The following PCCA variants were observed in gnomAD, a reference collection of about 807,000 sequenced individuals.
PCCA encodes the protein propionyl-CoA carboxylase subunit alpha.
PCCA carries 74 observed loss-of-function variants against 101.3 expected under a neutral mutation model. The observed-to-expected ratio is 0.73, with a 90% CI of 0.61 to 0.89. The LOEUF (loss-of-function observed/expected upper bound fraction) is 0.89. PCCA is among the 40% of genes least tolerant of loss of function. The pLI is 0.00. For missense variants in PCCA, 891 were observed against 907.0 expected (o/e 0.98, Z 0.23); for synonymous variants, 294 against 313.6 (o/e 0.94, Z 0.66).
intron 4 of PCCA, among the ~76,000 whole-genome samples, chr13:100,145,861 C>CAA (rs767182982): frequency 6.2e-5 from 4 of 64,340 alleles, no homozygotes; most frequent in Admixed American, 1.8e-4. Flanking sequence ...GACTCCGTCT[C>CAA]AAAAAAAAAA....
At chr13:100,123,321 C>T (rs974194801) in intron 4 of PCCA, among the ~76,000 whole-genome samples, 3 of 152,186 alleles carry the variant, frequency 2.0e-5, no homozygotes, top group East Asian at 3.9e-4. Context: ...TCCCAAAGTG[C>T]TGGGATTACA....
At chr13:100,462,509 G>A (rs1023192605) in intron 21 of PCCA, among the ~76,000 whole-genome samples, 36 of 152,190 alleles carry the variant, frequency 2.4e-4, no homozygotes, top group African/African-American at 8.7e-4. Flanking sequence ...TAATGCATAG[G>A]CTTATATAGT....
At chr13:100,151,220 A>G in intron 4 of PCCA, 1 of 606,816 alleles carries the variant, frequency 1.6e-6, no homozygotes, top group Admixed American at 3.1e-5. Flanking sequence ...TGTTCTAGTT[A>G]TTTGGAAATT....
chr13:100,124,179 C>A (rs1443181231), intron 4 of PCCA, among the ~76,000 whole-genome samples: 4 of 152,040 alleles, frequency 2.6e-5, no homozygotes. Flanking sequence ...GAGATCTCAT[C>A]AGGTTAAATG....
chr13:100,172,360 A>C lies in PCCA; in HGVS notation c.468+15020A>C, dbSNP rs73570990. 3.3e-5 allele frequency among the ~76,000 whole-genome samples: 5 copies of C among 152,080 alleles called. No individual in the cohort carries two copies. The South Asian group carries it at 1.0e-3, about 32-fold the overall frequency. On this transcript the variant is annotated intron_variant, in intron 6 of 23. Coordinates refer to ENST00000376285, the MANE Select transcript of PCCA (RefSeq NM_000282.4). ...TTTTTAAAAACAAATATTTTTTAGG[A>C]TCTGTTATTTCCTATTAAATTCCTT... is the stretch of plus-strand genomic sequence containing the variant.
At chr13:100,337,699 A>G (rs1467946620) in intron 17 of PCCA, among the ~76,000 whole-genome samples, 1 of 152,200 alleles carries the variant, frequency 6.6e-6, no homozygotes, top group Non-Finnish European at 1.5e-5. Flanking sequence ...GCCTGAGTCC[A>G]TGCACTAATA....
intron 4 of PCCA, among the ~76,000 whole-genome samples, chr13:100,128,865 C>T (rs1444809147): frequency 3.9e-5 from 6 of 152,218 alleles, no homozygotes; most frequent in Admixed American, 1.3e-4. Flanking sequence ...ACAGGAATCA[C>T]TCAAGGTTTG....
At chr13:100,425,811 G>A (rs1250244255) in intron 20 of PCCA, 80 bp downstream of exon 20, 3 of 880,632 alleles carry the variant, frequency 3.4e-6, no homozygotes, top group Non-Finnish European at 5.7e-6. Flanking sequence ...AATACTTAGA[G>A]CTATAGGAGG....
intron 6 of PCCA, among the ~76,000 whole-genome samples, chr13:100,192,568 GT>G (rs2057807794): frequency 6.6e-6 from 1 of 152,176 alleles, no homozygotes; most frequent in Non-Finnish European, 1.5e-5. Flanking sequence ...TCAAAAAACT[GT>G]TTACGCATGC....
In PCCA at chr13:100,189,038, GC is replaced by G. The variant is rs538014747; in HGVS notation, c.469-20288del. Among the ~76,000 whole-genome samples, 5 of 151,964 alleles carry G rather than the reference GC, an allele frequency of 3.3e-5. No homozygotes were observed. The East Asian group carries it at 9.7e-4, about 29-fold the overall frequency. ...TTCTCGTAATCCTATCCATCTCCTA[GC>G]CCCCCACCCCCTGACAGGCCCCGGT... On this transcript the variant is annotated intron_variant, in intron 6 of 23. Transcript: ENST00000376285.
chr13:100,261,397 T>C (rs1339047449), intron 9 of PCCA, among the ~76,000 whole-genome samples: 3 of 151,698 alleles, frequency 2.0e-5, no homozygotes, highest in African/African-American at 7.3e-5. Flanking sequence ...AGATGGAGTC[T>C]CACTGTCACC....
chr13:100,286,688 A>G (rs775181765), intron 12 of PCCA, among the ~76,000 whole-genome samples: 15 of 149,038 alleles, frequency 1.0e-4, no homozygotes, highest in Non-Finnish European at 1.5e-4. Flanking sequence ...GTTTTGCTTG[A>G]TTTTCCAAAA....
intron 5 of PCCA, 23 bp downstream of exon 5, chr13:100,155,115 A>C: frequency 1.4e-6 from 2 of 1,417,692 alleles, no homozygotes; most frequent in Non-Finnish European, 2.0e-6. Flanking sequence ...GAATCTATCT[A>C]CTGCAGCTGT....
At chr13:100,409,219 C>A (rs2077874718) in intron 19 of PCCA, among the ~76,000 whole-genome samples, 1 of 152,132 alleles carries the variant, frequency 6.6e-6, no homozygotes, top group Non-Finnish European at 1.5e-5. Context: ...TTTCCTCCAC[C>A]CTCAGAAATC....
At chr13:100,354,119 T>A (rs144432454) in intron 18 of PCCA, among the ~76,000 whole-genome samples, 39 of 137,172 alleles carry the variant, frequency 2.8e-4, no homozygotes, top group South Asian at 2.6e-3. Context: ...ATAATAATAA[T>A]AAAATAATTC....
intron 19 of PCCA, 101 bp downstream of exon 19, chr13:100,368,675 A>C: frequency 1.3e-5 from 10 of 759,414 alleles, no homozygotes; most frequent in Middle Eastern, 2.3e-4. Context: ...TTGAATTTGT[A>C]GTACCTCTAT....
intron 12 of PCCA, among the ~76,000 whole-genome samples, chr13:100,273,886 G>T (rs919804525): frequency 6.6e-6 from 1 of 152,212 alleles, no homozygotes; most frequent in Non-Finnish European, 1.5e-5. Context: ...ATCTCAGGAA[G>T]CGACTGGCGT....
chr13:100,117,541 C>G (rs1159494677), intron 4 of PCCA, among the ~76,000 whole-genome samples: 1 of 151,594 alleles, frequency 6.6e-6, no homozygotes, highest in African/African-American at 2.4e-5. Flanking sequence ...CAAAACACTG[C>G]ACGTTCTCAC....
intron 18 of PCCA, among the ~76,000 whole-genome samples, chr13:100,340,470 T>A (rs1220805406): frequency 6.6e-6 from 1 of 152,200 alleles, no homozygotes; most frequent in East Asian, 1.9e-4. Flanking sequence ...GATAAAAGGA[T>A]CTTGGCCCTT....
Sources: allele counts gnomAD v4.1 joint callset (sites outside exome capture counted in the v4.1 genomes callset), GRCh38; gene constraint gnomAD v4.1.1; transcripts MANE v1.5; gene names NCBI Gene and HGNC (gene_info 2026-07-23, HGNC 2026-07-21).